Variants in LENG9 observed in about 807,000 individuals in gnomAD.
LENG9 encodes the protein leukocyte receptor cluster member 9, also known as leukocyte receptor cluster (LRC) member 9.
For synonymous variants in LENG9, 410 were observed against 303.9 expected, an observed-to-expected ratio of 1.35 and a Z score of -3.63; for missense variants, 872 against 652.7, an observed-to-expected ratio of 1.34 and a Z score of -3.66.
chr19:54,462,915 G>C lies in LENG9; in HGVS notation c.612C>G (p.Gly204=), dbSNP rs778867996. 23 of 1,612,474 alleles carry C rather than the reference G, an allele frequency of 1.4e-5. No individual in the cohort carries two copies. The Middle Eastern group carries it at 6.6e-4, about 46-fold the overall frequency. Residue 204 remains glycine (G), a synonymous_variant, in exon 1 of 1, where the codon GGC becomes GGG. Transcript: ENST00000611161. The part of the protein sequence containing the change: ...RPLCTGHQEP[G]VEEPGELEAA... Reference sequence around the variant, plus strand: ...CCTCCAGCTCTCCGGGTTCCTCCACGCCTGGTTCCTGGTGCCCTGTGCAGA... The same window carrying C: ...CCTCCAGCTCTCCGGGTTCCTCCACCCCTGGTTCCTGGTGCCCTGTGCAGA...
At position 54,462,850 on chromosome 19, in the gene LENG9, C is replaced by A. The variant is rs530557227; in HGVS notation, c.677G>T (p.Gly226Val). 3 of 1,612,540 alleles carry A rather than the reference C, an allele frequency of 1.9e-6. No homozygotes were observed. The highest frequency in any genetic ancestry group is 1.3e-5 in the African/African-American group (1 of 75,016). Residue 226 changes from glycine to valine, a missense_variant, in exon 1 of 1, where the codon GGA becomes GTA. Transcript: ENST00000611161. ...ERALGTAADL[G>V]TLAPRGRLAG... ...GAGGCGTCCTCTTGGGGCCAGTGTT[C>A]CCAAATCAGCAGCTGTGCCCAGCGC... is the stretch of plus-strand genomic sequence containing the variant.
chr19:54,463,125 A>G lies in LENG9; in HGVS notation c.402T>C (p.Leu134=), dbSNP rs764123224. Residue 134 remains leucine, a synonymous_variant, in exon 1 of 1, where the codon CTT becomes CTC. Coordinates refer to ENST00000611161, the MANE Select transcript of LENG9 (RefSeq NM_001301782.2). Reference sequence around the variant, plus strand: ...CGGTGCGCGAGGCGCGGTCCCACACAAGGCGGCCACGGAAGCGGAAGAAGC... The same window carrying G: ...CGGTGCGCGAGGCGCGGTCCCACACGAGGCGGCCACGGAAGCGGAAGAAGC... ...RVRFFRFRGR[L]VWDRASRTDL... 3.1e-6 allele frequency: 5 copies of G among 1,599,334 alleles called. No individual in the cohort carries two copies. The highest frequency in any genetic ancestry group is 3.4e-5 in the Admixed American group (2 of 59,538).
chr19:54,462,153 C>G lies in LENG9; in HGVS notation c.1374G>C (p.Trp458Cys). 1 of 1,607,770 alleles carries G rather than the reference C, an allele frequency of 6.2e-7. No individual in the cohort carries two copies. The highest frequency in any genetic ancestry group is 1.1e-5 in the South Asian group (1 of 90,236). ...EVGCQPLQTL[W>C]LCRIGRTGGP... ...CCCCTGTCCTCCCTATACGGCACAGCCAGAGTGTCTGCAGGGGCTGGCACC... is the reference window on the plus strand; with the variant it reads ...CCCCTGTCCTCCCTATACGGCACAGGCAGAGTGTCTGCAGGGGCTGGCACC... Residue 458 changes from tryptophan (W) to cysteine (C), a missense_variant, in exon 1 of 1, where the codon TGG becomes TGC. By Grantham distance (215) the Trp-to-Cys change is radical. Coordinates refer to ENST00000611161, the MANE Select transcript of LENG9 (RefSeq NM_001301782.2).
At position 54,462,227 on chromosome 19, in the gene LENG9, A is replaced by G. The variant is rs1238261574; in HGVS notation, c.1300T>C (p.Ser434Pro). ...TCCAGCTTGGGGAGGTGGACCTGGG[A>G]ACCATGGGGCACCTTGGCCACGGTG... ...HLTVAKVPHG[S>P]QVHLPKLEFT... Residue 434 changes from serine to proline, a missense_variant, in exon 1 of 1, where the codon TCC (serine) becomes CCC (proline). Transcript: ENST00000611161. 27 of 1,613,456 alleles carry G rather than the reference A, an allele frequency of 1.7e-5. No homozygotes were observed. Among genetic ancestry groups the G allele is most frequent in the Non-Finnish European group, 2.3e-5 (27 of 1,179,734 alleles).
Position 54,462,135 on chromosome 19 carries a change from C to A in LENG9, c.1392G>T (p.Arg464Ser). Residue 464 changes from arginine to serine, a missense_variant, in exon 1 of 1, where the codon AGG becomes AGT. Physicochemically the swap from Arg to Ser is moderately radical, Grantham distance 110. Transcript: ENST00000611161. ...CCAGGGGCTGGAAAGGCCCCCCTGT[C>A]CTCCCTATACGGCACAGCCAGAGTG... The part of the protein sequence containing the change: ...LQTLWLCRIG[R>S]TGGPFQPLAE... 1 of 1,589,650 alleles carries A rather than the reference C, an allele frequency of 6.3e-7. No homozygotes were observed. The highest frequency in any genetic ancestry group is 1.1e-5 in the South Asian group (1 of 88,698).
In LENG9 at chr19:54,463,521, T is replaced by G. The variant is rs2084671039; in HGVS notation, c.6A>C (p.Ala2=). 1.5e-5 allele frequency: 20 copies of G among 1,366,968 alleles called. No individual in the cohort carries two copies. The highest frequency in any genetic ancestry group is 1.9e-5 in the Non-Finnish European group (20 of 1,056,584). The allele number at this position is 1,366,968 out of a possible 1,614,324, so 84.7% of individuals were successfully genotyped here. A position where few individuals can be genotyped will look rare whatever the true frequency, so the allele number is the denominator to read the frequency against. The change falls in exon 1 of 1, where the codon GCA becomes GCC. Residue 2 remains alanine, a synonymous_variant. Transcript: ENST00000611161. Reference sequence around the variant, plus strand: ...GCGGCAACTCCGGCTCTCTGGCCGCTGCCATGGGTGCGGGGAACTGGCACG... The same window carrying G: ...GCGGCAACTCCGGCTCTCTGGCCGCGGCCATGGGTGCGGGGAACTGGCACG... The part of the protein sequence containing the change: M[A]AAREPELPQE...
In LENG9 at chr19:54,462,144, AC is replaced by A. The variant is rs753616241; in HGVS notation, c.1382del (p.Arg461LeufsTer2). ...GGAAAGGCCCCCCTGTCCTCCCTAT[AC>A]GGCACAGCCAGAGTGTCTGCAGGGG... is the stretch of plus-strand genomic sequence containing the variant. ...CQPLQTLWLC[R>X]IGRTGGPFQP... On this transcript the variant is annotated frameshift_variant, in exon 1 of 1. Transcript: ENST00000611161. LOFTEE classifies it low-confidence loss of function (END_TRUNC). 1.2e-6 allele frequency: 2 copies of A among 1,603,452 alleles called. No individual in the cohort carries two copies. The highest frequency in any genetic ancestry group is 2.2e-5 in the South Asian group (2 of 89,768).
At position 54,462,724 on chromosome 19, in the gene LENG9, T is replaced by G; in HGVS notation, c.803A>C (p.Glu268Ala). The part of the protein sequence containing the change: ...QALGVPGGSA[E>A]TTEAEWGPAA... Reference sequence around the variant, plus strand: ...AGGACCCCACTCGGCTTCTGTCGTCTCAGCGGAGCCCCCCGGGACTCCCAG... The same window carrying G: ...AGGACCCCACTCGGCTTCTGTCGTCGCAGCGGAGCCCCCCGGGACTCCCAG... Residue 268 changes from glutamate (E) to alanine (A), a missense_variant, in exon 1 of 1, where the codon GAG becomes GCG. Transcript: ENST00000611161. 3 of 1,610,768 alleles carry G rather than the reference T, an allele frequency of 1.9e-6. No individual in the cohort carries two copies. The highest frequency in any genetic ancestry group is 2.5e-6 in the Non-Finnish European group (3 of 1,179,972).
At position 54,463,602 on chromosome 19, in the gene LENG9, G is replaced by T; in HGVS notation, c.-76C>A. The T allele has an allele frequency of 7.7e-7, 1 of 1,296,408 alleles. No individual in the cohort carries two copies. The allele number at this position is 1,296,408 out of a possible 1,614,324, so 80.3% of individuals were successfully genotyped here. ...GAGGGCGGCTCCCCTTGGATGCACCGAGCCTCACCCGACAGTGGCGTCAGC... is the reference window on the plus strand; with the variant it reads ...GAGGGCGGCTCCCCTTGGATGCACCTAGCCTCACCCGACAGTGGCGTCAGC... On this transcript the variant is annotated 5_prime_UTR_variant, in exon 1 of 1. Transcript: ENST00000611161.
Position 54,462,811 on chromosome 19 carries a change from T to G in LENG9, c.716A>C (p.Glu239Ala). The change falls in exon 1 of 1, where the codon GAG (glutamate) becomes GCG (alanine). Residue 239 changes from glutamate (E) to alanine (A), a missense_variant. Glu to Ala is a moderately radical substitution (Grantham distance 107, BLOSUM62 -1). Coordinates refer to ENST00000611161, the MANE Select transcript of LENG9 (RefSeq NM_001301782.2). Reference protein sequence around the residue: ...APRGRLAGVTEALKPTAATRT... With the variant: ...APRGRLAGVTAALKPTAATRT... Reference sequence around the variant, plus strand: ...GGTGGCTGCTGTTGGCTTCAGTGCCTCAGTCACTCCGGCGAGGCGTCCTCT... The same window carrying G: ...GGTGGCTGCTGTTGGCTTCAGTGCCGCAGTCACTCCGGCGAGGCGTCCTCT... The G allele has an allele frequency of 1.2e-6, 2 of 1,611,586 alleles. No homozygotes were observed. Among genetic ancestry groups the G allele is most frequent in the Non-Finnish European group, 1.7e-6 (2 of 1,179,662 alleles).
At position 54,461,788 on chromosome 19, in the gene LENG9, C is replaced by T; in HGVS notation, c.*302G>A. 1 of 626,620 alleles carries T rather than the reference C, an allele frequency of 1.6e-6. No individual in the cohort carries two copies. Among genetic ancestry groups the T allele is most frequent in the Admixed American group, 2.1e-5 (1 of 47,054 alleles). 38.8% of individuals were successfully genotyped at this position (626,620 alleles called of 1,614,324 possible). A position where few individuals can be genotyped will look rare whatever the true frequency, so the allele number is the denominator to read the frequency against. ...TTTAAGTTATTTTTCTTCCTCCTCTCCCTTTTCTTTTTGGCCCTCCCTCCC... is the reference window on the plus strand; with the variant it reads ...TTTAAGTTATTTTTCTTCCTCCTCTTCCTTTTCTTTTTGGCCCTCCCTCCC... On this transcript the variant is annotated 3_prime_UTR_variant, in exon 1 of 1. Transcript: ENST00000611161.
chr19:54,461,844 G>T lies in LENG9; in HGVS notation c.*246C>A. The T allele has an allele frequency of 3.6e-6, 2 of 560,042 alleles. No homozygotes were observed. Among genetic ancestry groups the T allele is most frequent in the Non-Finnish European group, 3.5e-6 (1 of 285,674 alleles). The allele number at this position is 560,042 out of a possible 1,614,324, so 34.7% of individuals were successfully genotyped here. ...CTTCTGCCATGTAACTGGAGGATGT[G>T]CTATGAGTTTGCAAACAGCTGGACT... On this transcript the variant is annotated 3_prime_UTR_variant, in exon 1 of 1. Transcript: ENST00000611161.
rs2123267385 is a variant in LENG9, at chr19:54,463,238, G to A, written c.289C>T (p.Arg97Cys). The change falls in exon 1 of 1, where the codon CGC (arginine) becomes TGC (cysteine). Residue 97 changes from arginine to cysteine, a missense_variant. By Grantham distance (180) the Arg-to-Cys change is radical. Transcript: ENST00000611161. ...CAAAAGGCGCTGAAGGGCTCCTCGC[G>A]CACACCCAGAAAGCGGTCGACGTAG... The part of the protein sequence containing the change: ...VGYVDRFLGV[R>C]EEPFSAFCWD... 3 of 1,545,508 alleles carry A rather than the reference G, an allele frequency of 1.9e-6. No homozygotes were observed. The highest frequency in any genetic ancestry group is 1.7e-4 in the Middle Eastern group (1 of 5,968).
chr19:54,463,742 G>GC lies in LENG9; in HGVS notation c.-217dup. On this transcript the variant is annotated 5_prime_UTR_variant, in exon 1 of 1. Coordinates refer to ENST00000611161, the MANE Select transcript of LENG9 (RefSeq NM_001301782.2). ...CGCTGCTCTGGGACTTCCCGGCTGC[G>GC]CCCTCCCCCAGCGCCAGGAAAGCAA... is the stretch of plus-strand genomic sequence containing the variant. 1 of 572,498 alleles carries GC rather than the reference G, an allele frequency of 1.7e-6. No homozygotes were observed. Among genetic ancestry groups the GC allele is most frequent in the Non-Finnish European group, 2.6e-6 (1 of 384,042 alleles). 35.5% of individuals were successfully genotyped at this position (572,498 alleles called of 1,614,324 possible).
Position 54,462,486 on chromosome 19 carries a change from C to A in LENG9, c.1041G>T (p.Leu347=). ...CAGCGGCCTCCTCCCCAGCGCCTGC[C>A]AGTCGCAGCAGGGCCAGGGTCAGGT... is the stretch of plus-strand genomic sequence containing the variant. ...NLHLTLALLR[L]AGAGEEAAAI... Residue 347 remains leucine, a synonymous_variant, in exon 1 of 1, where the codon CTG becomes CTT. Coordinates refer to ENST00000611161, the MANE Select transcript of LENG9 (RefSeq NM_001301782.2). 6.2e-7 allele frequency: 1 copy of A among 1,613,452 alleles called. No homozygotes were observed. The highest frequency in any genetic ancestry group is 1.1e-5 in the South Asian group (1 of 91,090).
Position 54,462,581 on chromosome 19 carries a change from T to C in LENG9, c.946A>G (p.Lys316Glu). 1.2e-6 allele frequency: 2 copies of C among 1,613,760 alleles called. No homozygotes were observed. The highest frequency in any genetic ancestry group is 2.2e-5 in the South Asian group (2 of 91,048). The change falls in exon 1 of 1, where the codon AAG becomes GAG. Residue 316 changes from lysine to glutamate, a missense_variant. Lys to Glu is a moderately conservative substitution (Grantham distance 56). Transcript: ENST00000611161. ...TEPGLQAEVT[K>E]AQEYLVHVAP... is the part of the protein sequence containing the mutation. ...ACGTGGACCAGGTATTCCTGGGCCTTGGTCACTTCTGCTTGTAGCCCAGGC... is the reference window on the plus strand; with the variant it reads ...ACGTGGACCAGGTATTCCTGGGCCTCGGTCACTTCTGCTTGTAGCCCAGGC...
Position 54,463,541 on chromosome 19 carries a change from G to C in LENG9, c.-15C>G. 1 of 1,389,242 alleles carries C rather than the reference G, an allele frequency of 7.2e-7. No homozygotes were observed. The highest frequency in any genetic ancestry group is 9.4e-7 in the Non-Finnish European group (1 of 1,067,288). The allele number at this position is 1,389,242 out of a possible 1,614,324, so 86.1% of individuals were successfully genotyped here. A position where few individuals can be genotyped will look rare whatever the true frequency, so the allele number is the denominator to read the frequency against. On this transcript the variant is annotated 5_prime_UTR_variant, in exon 1 of 1. Coordinates refer to ENST00000611161, the MANE Select transcript of LENG9 (RefSeq NM_001301782.2). ...GCCGCTGCCATGGGTGCGGGGAACT[G>C]GCACGCCCGCCGCGCAGACGAGGTC...
In LENG9 at chr19:54,462,339, C is replaced by T. The variant is rs1569315828; in HGVS notation, c.1188G>A (p.Leu396=). ...HVLCAPPSPT[L]ESMAQVLSQR... Reference sequence around the variant, plus strand: ...GGCTCAGCACTTGTGCCATGCTTTCCAGTGTGGGAGAGGGTGGGGCACACA... The same window carrying T: ...GGCTCAGCACTTGTGCCATGCTTTCTAGTGTGGGAGAGGGTGGGGCACACA... Residue 396 remains leucine (L), a synonymous_variant, in exon 1 of 1, where the codon CTG becomes CTA. Coordinates refer to ENST00000611161, the MANE Select transcript of LENG9 (RefSeq NM_001301782.2). The T allele has an allele frequency of 1.9e-6, 3 of 1,608,580 alleles. No homozygotes were observed. The highest frequency in any genetic ancestry group is 2.6e-6 in the Non-Finnish European group (3 of 1,176,364).
At position 54,462,299 on chromosome 19, in the gene LENG9, C is replaced by T. The variant is rs767845301; in HGVS notation, c.1228G>A (p.Glu410Lys). The change falls in exon 1 of 1, where the codon GAG becomes AAG. Residue 410 changes from glutamate to lysine, a missense_variant. Physicochemically the swap from Glu to Lys is moderately conservative, Grantham distance 56 (BLOSUM62 1). Transcript: ENST00000611161. ...AQVLSQRLEA[E>K]GLSTLQSPGQ... ...GGAGACTGTAGTGTACTCAGCCCCT[C>T]GGCTTCCAGCCTCTGGCTCAGCACT... The T allele has an allele frequency of 5.0e-6, 8 of 1,601,882 alleles. No homozygotes were observed. In the East Asian group the frequency reaches 6.7e-5, roughly 13 times the overall value.
Sources: allele counts gnomAD v4.1 joint callset, GRCh38; gene constraint gnomAD v4.1.1; transcripts MANE v1.5; gene names NCBI Gene and HGNC (gene_info 2026-07-23, HGNC 2026-07-21).